DPP10: variants seen among roughly 807,000 people sequenced by gnomAD.
DPP10 encodes the protein dipeptidyl peptidase like 10.
Under a neutral mutation model 120.9 loss-of-function variants are expected in DPP10, and 33 were observed. The ratio of observed to expected loss-of-function variants is 0.27; its 90% CI spans 0.21 to 0.37. The LOEUF (loss-of-function observed/expected upper bound fraction) is 0.37, where lower values mean the gene tolerates loss of function less well. Ranked by LOEUF, DPP10 falls within the 10% of genes least tolerant of loss-of-function variation. DPP10 has a pLI of 1.00. For synonymous variants in DPP10, 337 were observed against 326.1 expected (o/e 1.03, Z -0.36); for missense variants, 816 against 942.8 (o/e 0.87, Z 1.76).
At chr2:115,104,519 G>C (rs913973989) in intron 1 of DPP10, among the ~76,000 whole-genome samples, 1 of 152,086 alleles carries the variant, frequency 6.6e-6, no homozygotes, top group African/African-American at 2.4e-5. Flanking sequence ...AGCCTCCTTA[G>C]TGATAATATA....
chr2:115,004,973 A>G (rs1302407899), intron 1 of DPP10, among the ~76,000 whole-genome samples: 1 of 152,044 alleles, frequency 6.6e-6, no homozygotes, highest in Non-Finnish European at 1.5e-5. Flanking sequence ...TCCCTGTCTG[A>G]CAGCTTTGAA....
rs113956999 is a variant in DPP10, at chr2:115,063,161, A to G, written c.61-246078A>G. ...GATCAATGATGTTGAGCTTTTCTTC[A>G]TATGTTTGTTGGCTGTGTAAATGTC... On this transcript the variant is annotated intron_variant, in intron 1 of 25. Coordinates refer to ENST00000410059, the MANE Select transcript of DPP10 (RefSeq NM_020868.6). Among the ~76,000 whole-genome samples the G allele has an allele frequency of 1.0e-3, 158 of 152,128 alleles. 2 individuals are homozygous for G. The highest frequency in any genetic ancestry group is 3.7e-3 in the African/African-American group (152 of 41,492).
intron 1 of DPP10, among the ~76,000 whole-genome samples, chr2:114,907,424 A>G (rs1178018648): frequency 1.3e-5 from 2 of 152,028 alleles, no homozygotes; most frequent in Non-Finnish European, 2.9e-5. Context: ...TTTTTTAAAT[A>G]TAGAATTTAC....
At chr2:115,243,476 A>C (rs2058381579) in intron 1 of DPP10, among the ~76,000 whole-genome samples, 1 of 152,158 alleles carries the variant, frequency 6.6e-6, no homozygotes, top group South Asian at 2.1e-4. Flanking sequence ...CTTTATTTTT[A>C]TTTTCTCACA....
chr2:114,553,570 T>A (rs1688054661), intron 1 of DPP10, among the ~76,000 whole-genome samples: 1 of 152,174 alleles, frequency 6.6e-6, no homozygotes, highest in African/African-American at 2.4e-5. Flanking sequence ...TTTTCAGTAG[T>A]TTTCTGTTAT....
chr2:114,622,133 C>T (rs994572274), intron 1 of DPP10, among the ~76,000 whole-genome samples: 22 of 152,048 alleles, frequency 1.4e-4, no homozygotes, highest in Admixed American at 2.6e-4. Context: ...GGGTGTCTTC[C>T]TAAATGAGAT....
intron 1 of DPP10, among the ~76,000 whole-genome samples, chr2:114,840,746 CT>C (rs1688091270): frequency 6.6e-6 from 1 of 152,130 alleles, no homozygotes; most frequent in Admixed American, 6.6e-5. Flanking sequence ...TGTGGTTCTT[CT>C]TTCTGTCGCT....
Position 115,722,128 on chromosome 2 carries a change from C to T in DPP10, c.577-5688C>T, listed in dbSNP as rs1027642934. On this transcript the variant is annotated intron_variant, in intron 7 of 25. Transcript: ENST00000410059. ...GGAAAATGGGAAGTTACTAATCAAC[C>T]GACACAGAATTTCAGTTGAGTGAGA... Among the ~76,000 whole-genome samples the T allele has an allele frequency of 4.6e-5, 7 of 151,876 alleles. No homozygotes were observed. The East Asian group carries it at 5.9e-4, about 13-fold the overall frequency.
At chr2:115,502,554 A>T (rs1409293923) in intron 4 of DPP10, among the ~76,000 whole-genome samples, 2 of 152,188 alleles carry the variant, frequency 1.3e-5, no homozygotes, top group African/African-American at 2.4e-5. Flanking sequence ...CAATAATCTG[A>T]ATATCACCAG....
At chr2:115,121,390 A>G (rs1476245442) in intron 1 of DPP10, among the ~76,000 whole-genome samples, 1 of 152,214 alleles carries the variant, frequency 6.6e-6, no homozygotes. Flanking sequence ...CTCGAACCCA[A>G]AAGAGAAATT....
intron 1 of DPP10, among the ~76,000 whole-genome samples, chr2:114,532,188 G>T (rs971107763): frequency 2.7e-5 from 4 of 147,356 alleles, no homozygotes; most frequent in Non-Finnish European, 6.0e-5. Flanking sequence ...TCTCCAGCTT[G>T]CAGAGAGCAG....
At chr2:115,378,763 C>G (rs571772857) in intron 3 of DPP10, among the ~76,000 whole-genome samples, 63 of 152,180 alleles carry the variant, frequency 4.1e-4, no homozygotes, top group South Asian at 6.2e-4. Context: ...TAGCATGAAG[C>G]GTTGTTGAAT....
chr2:114,526,104 C>T (rs1434698280), intron 1 of DPP10, among the ~76,000 whole-genome samples: 2 of 152,182 alleles, frequency 1.3e-5, no homozygotes, highest in Non-Finnish European at 2.9e-5. Flanking sequence ...TGCTCTTTGG[C>T]AAACCATGAT....
chr2:115,313,962 C>T, intron 2 of DPP10, among the ~76,000 whole-genome samples: 1 of 152,110 alleles, frequency 6.6e-6, no homozygotes, highest in East Asian at 1.9e-4. Context: ...ACTATAAGAT[C>T]AATAATTATA....
chr2:115,539,074 C>T (rs1007416832), intron 5 of DPP10, among the ~76,000 whole-genome samples: 1 of 151,510 alleles, frequency 6.6e-6, no homozygotes, highest in Non-Finnish European at 1.5e-5. Flanking sequence ...CAGTGCTGCT[C>T]GGTGGATACA....
At chr2:114,800,105 G>A (rs1684067325) in intron 1 of DPP10, among the ~76,000 whole-genome samples, 1 of 152,166 alleles carries the variant, frequency 6.6e-6, no homozygotes, top group Non-Finnish European at 1.5e-5. Flanking sequence ...AATGATGTAA[G>A]CGCAAGATTC....
Position 115,650,414 on chromosome 2 carries a change from G to T in DPP10, c.442-39273G>T, listed in dbSNP as rs555255546. ...GGCACATGCTGGCATGGGGAAAGGG[G>T]GGGGGGGATAATCCACTTGACAACT... On this transcript the variant is annotated intron_variant, in intron 5 of 25. Coordinates refer to ENST00000410059, the MANE Select transcript of DPP10 (RefSeq NM_020868.6). Among the ~76,000 whole-genome samples the T allele has an allele frequency of 1.4e-4, 20 of 146,122 alleles. No homozygotes were observed. In the East Asian group the frequency reaches 2.2e-3, roughly 16 times the overall value.
At chr2:114,984,600 T>A (rs1019674664) in intron 1 of DPP10, among the ~76,000 whole-genome samples, 7 of 152,062 alleles carry the variant, frequency 4.6e-5, no homozygotes, top group Non-Finnish European at 8.8e-5. Flanking sequence ...AAATCCAGCT[T>A]GGGAAACATA....
chr2:115,323,924 C>G (rs1418362036), intron 2 of DPP10, among the ~76,000 whole-genome samples: 1 of 152,040 alleles, frequency 6.6e-6, no homozygotes, highest in Non-Finnish European at 1.5e-5. Context: ...TCTTAAGGGC[C>G]CTAGGGTTCT....
Sources: allele counts gnomAD v4.1 joint callset (sites outside exome capture counted in the v4.1 genomes callset), GRCh38; gene constraint gnomAD v4.1.1; transcripts MANE v1.5; gene names NCBI Gene and HGNC (gene_info 2026-07-23, HGNC 2026-07-21).